ZNF566: variants seen among roughly 807,000 people sequenced by gnomAD.
The protein encoded by ZNF566 is zinc finger protein 566.
ZNF566 carries 27 observed loss-of-function variants against 32.8 expected under a neutral mutation model. That is an observed-to-expected ratio of 0.82 (90% CI 0.61 to 1.14). ZNF566 has a LOEUF of 1.14. Among genes scored for constraint, ZNF566 ranks in the 50% most tolerant of loss-of-function variants. ZNF566 has a pLI of 0.00. For synonymous variants in ZNF566, 154 were observed against 159.5 expected (o/e 0.97, Z 0.26); for missense variants, 402 against 490.4 (o/e 0.82, Z 1.70).
In ZNF566 at chr19:36,448,814, T is replaced by C; in HGVS notation, c.*163A>G. 1 of 612,670 alleles carries C rather than the reference T, an allele frequency of 1.6e-6. No individual in the cohort carries two copies. The highest frequency in any genetic ancestry group is 2.7e-6 in the Non-Finnish European group (1 of 372,862). 38.0% of individuals were successfully genotyped at this position (612,670 alleles called of 1,614,324 possible). ...TAAGGGCTTCCAAAGTATATTCTAT[T>C]CATAGAGTATTTCTCCAACATTATT... On this transcript the variant is annotated 3_prime_UTR_variant, in exon 5 of 5. Coordinates refer to ENST00000452939, the MANE Select transcript of ZNF566 (RefSeq NM_001145344.1).
rs568724930 is a variant in ZNF566, at chr19:36,459,045, T to C, written c.233-9044A>G. On this transcript the variant is annotated intron_variant, in intron 4 of 4. Coordinates refer to ENST00000452939, the MANE Select transcript of ZNF566 (RefSeq NM_001145344.1). ...ATATATATAATTTTTATTTGCCAAA[T>C]ATACCTCAATAAAGCTAGGGAAAAA... 3.3e-5 allele frequency among the ~76,000 whole-genome samples: 5 copies of C among 151,660 alleles called. No homozygotes were observed. In the South Asian group the frequency reaches 1.0e-3, roughly 32 times the overall value.
At position 36,449,500 on chromosome 19, in the gene ZNF566, T is replaced by C. The variant is rs1452742929; in HGVS notation, c.734A>G (p.His245Arg). 8.1e-6 allele frequency: 13 copies of C among 1,614,170 alleles called. No individual in the cohort carries two copies. Among genetic ancestry groups the C allele is most frequent in the Non-Finnish European group, 1.0e-5 (12 of 1,180,022 alleles). ...TFICGSDLTR[H>R]HRIHTGEKPY... ...TTTCTCACCAGTGTGAATTCTGTGA[T>C]GTCGAGTAAGGTCTGAGCCACAAAT... The change falls in exon 5 of 5, where the codon CAT (histidine) becomes CGT (arginine). Residue 245 changes from histidine to arginine, a missense_variant. Around this residue, in one of 3 missense-constraint regions of ZNF566, gnomAD observed 135 missense variants for 210.0 expected, o/e 0.64. Coordinates refer to ENST00000452939, the MANE Select transcript of ZNF566 (RefSeq NM_001145344.1).
At chr19:36,479,216 T>G (rs576267400) in intron 1 of ZNF566, among the ~76,000 whole-genome samples, 3 of 152,322 alleles carry the variant, frequency 2.0e-5, no homozygotes, top group African/African-American at 7.2e-5. Flanking sequence ...CATTTCTTTT[T>G]AACAATGTAA....
intron 3 of ZNF566, 127 bp downstream of exon 3, chr19:36,473,205 C>T: frequency 8.0e-7 from 1 of 1,256,136 alleles, no homozygotes; most frequent in Non-Finnish European, 1.1e-6. Flanking sequence ...CTACCATATT[C>T]AGAACATTCC....
At chr19:36,470,628 A>G (rs574198419) in intron 4 of ZNF566, among the ~76,000 whole-genome samples, 1 of 152,062 alleles carries the variant, frequency 6.6e-6, no homozygotes, top group Non-Finnish European at 1.5e-5. Context: ...TGTTGCATCA[A>G]GGACAGGCGC....
In ZNF566 at chr19:36,448,076, T is replaced by C. The variant is rs2033040856; in HGVS notation, c.*901A>G. ...TTATCCCCCATTTTATAATTTTTAC[T>C]GAGACACGCATGTATATATGAACAG... On this transcript the variant is annotated 3_prime_UTR_variant, in exon 5 of 5. Transcript: ENST00000452939. 1 of 152,162 alleles carries C rather than the reference T, an allele frequency of 6.6e-6. No homozygotes were observed. The highest frequency in any genetic ancestry group is 6.5e-5 in the Admixed American group (1 of 15,268). The allele number at this position is 152,162 out of a possible 1,614,324, so 9.4% of individuals were successfully genotyped here.
At chr19:36,475,607 T>C (rs1343891053) in intron 2 of ZNF566, among the ~76,000 whole-genome samples, 1 of 152,208 alleles carries the variant, frequency 6.6e-6, no homozygotes, top group African/African-American at 2.4e-5. Flanking sequence ...ATTAATTCAA[T>C]GTGGGGAACA....
chr19:36,453,076 C>A (rs1165532600), intron 4 of ZNF566, among the ~76,000 whole-genome samples: 2 of 150,976 alleles, frequency 1.3e-5, no homozygotes, highest in East Asian at 3.9e-4. Flanking sequence ...TGAAATCTTG[C>A]CACTGTACTC....
chr19:36,469,922 GA>G (rs11388525), intron 4 of ZNF566, among the ~76,000 whole-genome samples: 25 of 147,722 alleles, frequency 1.7e-4, no homozygotes, highest in Admixed American at 4.7e-4. Context: ...TGCACTAAAA[GA>G]AAAAAAAAAC....
chr19:36,455,414 T>C (rs1211122710), intron 4 of ZNF566, among the ~76,000 whole-genome samples: 1 of 152,048 alleles, frequency 6.6e-6, no homozygotes, highest in East Asian at 1.9e-4. Flanking sequence ...AAAAAAACCC[T>C]AGGGGATCTA....
rs950980880 is a variant in ZNF566, at chr19:36,477,533, TTTTGTTTGTTTGTTTG to T, written c.-59-933_-59-918del. Among the ~76,000 whole-genome samples, 14 of 106,124 alleles carry T rather than the reference TTTTGTTTGTTTGTTTG, an allele frequency of 1.3e-4. 1 individual carries two copies. The highest frequency in any genetic ancestry group is 6.6e-4 in the South Asian group (2 of 3,018). 69.6% of individuals were successfully genotyped at this position (106,124 alleles called of 152,430 possible). ...AACCAGTTTTCTGTTTCTGTTTTTT[TTTTGTTTGTTTGTTTG>T]TTTTTTTGAGACGGAGTCTTGCTCT... On this transcript the variant is annotated intron_variant, in intron 1 of 4. Coordinates refer to ENST00000452939, the MANE Select transcript of ZNF566 (RefSeq NM_001145344.1).
At chr19:36,459,518 CT>C (rs963913140) in intron 4 of ZNF566, among the ~76,000 whole-genome samples, 65 of 140,984 alleles carry the variant, frequency 4.6e-4, no homozygotes, top group Admixed American at 4.2e-4. Flanking sequence ...CAGCCTATTA[CT>C]TTTTTTTTTT....
chr19:36,484,446 C>G (rs1379542283), intron 1 of ZNF566, among the ~76,000 whole-genome samples: 2 of 152,062 alleles, frequency 1.3e-5, no homozygotes, highest in Non-Finnish European at 2.9e-5. Flanking sequence ...TTTAAATTAT[C>G]AAAGTGTAAG....
At chr19:36,477,595 A>G (rs922412108) in intron 1 of ZNF566, among the ~76,000 whole-genome samples, 18 of 137,746 alleles carry the variant, frequency 1.3e-4, no homozygotes, top group African/African-American at 4.5e-4. Context: ...CTGGAGTGCA[A>G]TGGCGCGATC....
chr19:36,459,132 A>C (rs1325774433), intron 4 of ZNF566, among the ~76,000 whole-genome samples: 3 of 152,256 alleles, frequency 2.0e-5, no homozygotes, highest in Non-Finnish European at 4.4e-5. Flanking sequence ...GAAAATAATA[A>C]GTCATAGGGA....
intron 4 of ZNF566, among the ~76,000 whole-genome samples, chr19:36,452,342 G>A (rs1017088113): frequency 2.0e-5 from 3 of 151,824 alleles, no homozygotes; most frequent in African/African-American, 7.2e-5. Flanking sequence ...CAAGGTGGTT[G>A]AGAAAACTGA....
chr19:36,467,998 C>T (rs1253377703), intron 4 of ZNF566, among the ~76,000 whole-genome samples: 1 of 150,858 alleles, frequency 6.6e-6, no homozygotes, highest in East Asian at 1.9e-4. Flanking sequence ...GCAGCCTGAC[C>T]AACAGGGAGA....
intron 4 of ZNF566, 84 bp downstream of exon 4, chr19:36,472,827 G>C: frequency 8.9e-7 from 1 of 1,122,238 alleles, no homozygotes; most frequent in Middle Eastern, 2.1e-4. Flanking sequence ...CCAAAAGCCT[G>C]TGAGGAGAGT....
chr19:36,451,382 G>A (rs1437953021), intron 4 of ZNF566, among the ~76,000 whole-genome samples: 4 of 152,150 alleles, frequency 2.6e-5, no homozygotes, highest in Admixed American at 6.6e-5. Flanking sequence ...AGTGTTTGTC[G>A]TGTAATTCTG....
Sources: gnomAD v4.1 joint callset for allele counts (sites outside exome capture counted in the v4.1 genomes callset) on GRCh38, gnomAD v4.1.1 for gene constraint, gnomAD v4.1.1 regional missense constraint, MANE v1.5 for transcripts, NCBI Gene and HGNC (gene_info 2026-07-23, HGNC 2026-07-21) for gene names.